RPTOR: variants seen among roughly 807,000 people sequenced by gnomAD.
RPTOR encodes the protein regulatory associated protein of MTOR complex 1.
In RPTOR, 21 loss-of-function variants were observed where a neutral mutation model predicts 169.9. The observed-to-expected ratio is 0.12, with a 90% CI of 0.09 to 0.18. The LOEUF (loss-of-function observed/expected upper bound fraction) is 0.18. Among genes scored for constraint, RPTOR ranks in the 10% least tolerant of loss-of-function variants. The pLI, the probability that RPTOR is intolerant of heterozygous loss-of-function variation, is 1.00. For synonymous variants in RPTOR, 732 were observed against 753.2 expected (o/e 0.97, Z 0.46); for missense variants, 1,133 against 1,855.9 (o/e 0.61, Z 7.16).
intron 20 of RPTOR, among the ~76,000 whole-genome samples, chr17:80,896,665 G>A (rs1016194377): frequency 4.6e-5 from 7 of 151,898 alleles, no homozygotes; most frequent in South Asian, 4.1e-4. Context: ...TGTCTTGGCC[G>A]CTCTTAGCCC....
In RPTOR at chr17:80,964,438, G is replaced by T; in HGVS notation, c.*108G>T. 9.1e-7 allele frequency: 1 copy of T among 1,100,774 alleles called. No homozygotes were observed. Among genetic ancestry groups the T allele is most frequent in the South Asian group, 1.3e-5 (1 of 79,256 alleles). 68.2% of individuals were successfully genotyped at this position (1,100,774 alleles called of 1,614,324 possible). A position where few individuals can be genotyped will look rare whatever the true frequency, so the allele number is the denominator to read the frequency against. On this transcript the variant is annotated 3_prime_UTR_variant, in exon 34 of 34. Transcript: ENST00000306801. ...GCTGCGGCCCCGCAGTGTGAACGTT[G>T]GCTGCTGCCTTAGCTGCTGATGACG...
At chr17:80,600,147 G>A (rs775423771) in intron 1 of RPTOR, among the ~76,000 whole-genome samples, 12 of 152,156 alleles carry the variant, frequency 7.9e-5, no homozygotes, top group Non-Finnish European at 1.2e-4. Flanking sequence ...ATTAAATCCC[G>A]TCTGGCCTCT....
At chr17:80,854,574 G>A (rs2067831993) in intron 11 of RPTOR, among the ~76,000 whole-genome samples, 1 of 152,224 alleles carries the variant, frequency 6.6e-6, no homozygotes, top group African/African-American at 2.4e-5. Flanking sequence ...TACCCATTAG[G>A]ATATTGATCA....
At chr17:80,955,260 G>A (rs1187379477) in intron 28 of RPTOR, among the ~76,000 whole-genome samples, 1 of 152,274 alleles carries the variant, frequency 6.6e-6, no homozygotes, top group Non-Finnish European at 1.5e-5. Flanking sequence ...CAGGCCAAGA[G>A]GCACCAGGGC....
intron 20 of RPTOR, among the ~76,000 whole-genome samples, chr17:80,905,022 G>T (rs1488367386): frequency 6.6e-6 from 1 of 151,694 alleles, no homozygotes; most frequent in Non-Finnish European, 1.5e-5. Context: ...TACGCGTGGG[G>T]GACTCAAGGG....
intron 7 of RPTOR, among the ~76,000 whole-genome samples, chr17:80,798,166 A>G (rs1020102513): frequency 6.6e-6 from 1 of 152,198 alleles, no homozygotes; most frequent in Non-Finnish European, 1.5e-5. Flanking sequence ...CGGGCAAGGG[A>G]GTCACCTCTC....
chr17:80,908,524 G>A (rs1348021647), intron 20 of RPTOR, among the ~76,000 whole-genome samples: 6 of 152,210 alleles, frequency 3.9e-5, no homozygotes, highest in African/African-American at 9.6e-5. Flanking sequence ...CATGCCCTCC[G>A]ATCCGCTGAG....
At chr17:80,790,975 C>T (rs2067041933) in intron 6 of RPTOR, among the ~76,000 whole-genome samples, 1 of 152,156 alleles carries the variant, frequency 6.6e-6, no homozygotes, top group Non-Finnish European at 1.5e-5. Flanking sequence ...AGACATGAAC[C>T]CAGCTCTGAC....
chr17:80,902,949 G>C (rs1242589147), intron 20 of RPTOR, among the ~76,000 whole-genome samples: 1 of 152,372 alleles, frequency 6.6e-6, no homozygotes, highest in East Asian at 1.9e-4. Flanking sequence ...GCCTGAGAAG[G>C]CTCTTCCCGC....
At position 80,945,319 on chromosome 17, in the gene RPTOR, G is replaced by C. The variant is rs180958314; in HGVS notation, c.3026-348G>C. On this transcript the variant is annotated intron_variant, in intron 25 of 33. Coordinates refer to ENST00000306801, the MANE Select transcript of RPTOR (RefSeq NM_020761.3). ...TTAAAAAATAAAAAAGGGGCCCGGC[G>C]CGGTGGCTCACGCCTGTAATCCCAG... Among the ~76,000 whole-genome samples, 11 of 152,048 alleles carry C rather than the reference G, an allele frequency of 7.2e-5. No individual in the cohort carries two copies. The East Asian group carries it at 1.9e-3, about 27-fold the overall frequency.
intron 6 of RPTOR, among the ~76,000 whole-genome samples, chr17:80,775,110 C>T (rs947419906): frequency 6.6e-6 from 1 of 152,218 alleles, no homozygotes; most frequent in Non-Finnish European, 1.5e-5. Flanking sequence ...CTTCCAGCCG[C>T]TGCTTCAACC....
At chr17:80,877,132 C>T (rs572037268) in intron 13 of RPTOR, among the ~76,000 whole-genome samples, 60 of 152,280 alleles carry the variant, frequency 3.9e-4, no homozygotes, top group Admixed American at 6.5e-4. Context: ...CCGTTCTGCG[C>T]GTGTGTGGTT....
At chr17:80,720,847 C>T (rs919654924) in intron 4 of RPTOR, among the ~76,000 whole-genome samples, 8 of 145,444 alleles carry the variant, frequency 5.5e-5, no homozygotes, top group South Asian at 2.1e-4. Flanking sequence ...ATTGCTGCTG[C>T]GGCCGCTTCT....
At chr17:80,706,252 C>A (rs562920537) in intron 3 of RPTOR, among the ~76,000 whole-genome samples, 1 of 152,158 alleles carries the variant, frequency 6.6e-6, no homozygotes, top group Non-Finnish European at 1.5e-5. Flanking sequence ...AGCACTTTCA[C>A]ACCCGTTGTT....
At position 80,544,901 on chromosome 17, in the gene RPTOR, C is replaced by A. The variant is rs1241856252; in HGVS notation, c.-729C>A. 1 of 227,160 alleles carries A rather than the reference C, an allele frequency of 4.4e-6. No individual in the cohort carries two copies. Among genetic ancestry groups the A allele is most frequent in the Non-Finnish European group, 8.8e-6 (1 of 113,988 alleles). The allele number at this position is 227,160 out of a possible 1,614,324, so 14.1% of individuals were successfully genotyped here. On this transcript the variant is annotated 5_prime_UTR_variant, in exon 1 of 34. Coordinates refer to ENST00000306801, the MANE Select transcript of RPTOR (RefSeq NM_020761.3). ...GATGAGTTTCACTGTAGCTCCAAACCAGAGGGCAAAGCTCCCATGACCCAA... is the reference window on the plus strand; with the variant it reads ...GATGAGTTTCACTGTAGCTCCAAACAAGAGGGCAAAGCTCCCATGACCCAA...
At chr17:80,636,461 A>C (rs1290938852) in intron 2 of RPTOR, among the ~76,000 whole-genome samples, 1 of 152,114 alleles carries the variant, frequency 6.6e-6, no homozygotes, top group Non-Finnish European at 1.5e-5. Context: ...AGGCACTGGC[A>C]GGTCTGTTGT....
Position 80,965,875 on chromosome 17 carries a change from C to T in RPTOR, c.*1545C>T, listed in dbSNP as rs2069421739. 4.3e-6 allele frequency: 1 copy of T among 233,308 alleles called. No homozygotes were observed. Among genetic ancestry groups the T allele is most frequent in the Non-Finnish European group, 8.5e-6 (1 of 118,152 alleles). The allele number at this position is 233,308 out of a possible 1,614,324, so 14.5% of individuals were successfully genotyped here. On this transcript the variant is annotated 3_prime_UTR_variant, in exon 34 of 34. Coordinates refer to ENST00000306801, the MANE Select transcript of RPTOR (RefSeq NM_020761.3). ...ACCAGAAGAAGGTTCCGGCACGAAT[C>T]CCATCCCCACGTCTGGGCCGAGAAA... is the stretch of plus-strand genomic sequence containing the variant.
intron 4 of RPTOR, among the ~76,000 whole-genome samples, chr17:80,725,797 A>G (rs1057488792): frequency 5.3e-5 from 8 of 152,362 alleles, no homozygotes; most frequent in South Asian, 4.1e-4. Context: ...GTGGCTTAAT[A>G]GAGTTGGTTT....
At position 80,925,491 on chromosome 17, in the gene RPTOR, G is replaced by T. The variant is rs747374477; in HGVS notation, c.2919+11G>T. The T allele has an allele frequency of 2.5e-6, 4 of 1,606,600 alleles. No homozygotes were observed. On this transcript the variant is annotated intron_variant, in intron 24 of 33. Coordinates refer to ENST00000306801, the MANE Select transcript of RPTOR (RefSeq NM_020761.3). ...CAGCCCGTCATGAAGGTGCGCCCGG[G>T]GTGTGGGGTTCAGAGTAGAGTCCTA... is the stretch of plus-strand genomic sequence containing the variant.
Sources: allele counts gnomAD v4.1 joint callset (sites outside exome capture counted in the v4.1 genomes callset), GRCh38; gene constraint gnomAD v4.1.1; transcripts MANE v1.5; gene names NCBI Gene and HGNC (gene_info 2026-07-23, HGNC 2026-07-21).